Variants in SKAP2 observed in about 807,000 individuals in gnomAD.
SKAP2 encodes src kinase-associated phosphoprotein 2.
A neutral mutation model predicts 54.9 loss-of-function variants in SKAP2; 28 were observed. That is an observed-to-expected ratio of 0.51 (90% CI 0.38 to 0.70). SKAP2 has a LOEUF of 0.70. Ranked by LOEUF, SKAP2 falls within the 30% of genes least tolerant of loss-of-function variation. SKAP2 has a pLI of 0.00. For missense variants in SKAP2, 356 were observed against 424.1 expected (o/e 0.84, Z 1.41); for synonymous variants, 137 against 134.3 (o/e 1.02, Z -0.14).
At chr7:26,666,773 T>G (rs973830156), downstream of SKAP2, among the ~76,000 whole-genome samples, 2 of 152,098 alleles carry the variant, frequency 1.3e-5, no homozygotes, top group African/African-American at 4.8e-5. Flanking sequence ...TCTTTTTCTA[T>G]GAAAGAAAGT....
chr7:26,709,619 T>C (rs1787248855), intron 9 of SKAP2, among the ~76,000 whole-genome samples: 1 of 152,242 alleles, frequency 6.6e-6, no homozygotes, highest in South Asian at 2.1e-4. Flanking sequence ...TATCTGAGTT[T>C]ACTTTTAAAT....
At chr7:26,733,403 T>C (rs921487157) in intron 6 of SKAP2, among the ~76,000 whole-genome samples, 3 of 151,886 alleles carry the variant, frequency 2.0e-5, no homozygotes, top group Non-Finnish European at 2.9e-5. Context: ...AGAATTTGTT[T>C]CTGTCAAATG....
At chr7:26,774,113 G>C (rs1401715706) in intron 4 of SKAP2, among the ~76,000 whole-genome samples, 1 of 152,122 alleles carries the variant, frequency 6.6e-6, no homozygotes, top group African/African-American at 2.4e-5. Flanking sequence ...AGGAGTTCGA[G>C]ATCAGCCTGG....
intron 9 of SKAP2, among the ~76,000 whole-genome samples, chr7:26,702,757 G>T (rs1165018386): frequency 6.6e-6 from 1 of 152,162 alleles, no homozygotes; most frequent in African/African-American, 2.4e-5. Context: ...AGCACATAGT[G>T]TTGAATATTT....
At chr7:26,673,684 C>T (rs1411575355) in intron 11 of SKAP2, among the ~76,000 whole-genome samples, 3 of 151,960 alleles carry the variant, frequency 2.0e-5, no homozygotes, top group South Asian at 4.2e-4. Context: ...CCCAGTAATC[C>T]GAGAAAATAA....
intron 4 of SKAP2, among the ~76,000 whole-genome samples, chr7:26,766,863 A>T (rs930026001): frequency 1.3e-5 from 2 of 152,130 alleles, no homozygotes; most frequent in African/African-American, 2.4e-5. Flanking sequence ...TGCTGGATTC[A>T]GTTTGCCAGT....
intron 1 of SKAP2, among the ~76,000 whole-genome samples, chr7:26,858,878 G>T (rs1479631923): frequency 6.6e-6 from 1 of 152,030 alleles, no homozygotes; most frequent in East Asian, 1.9e-4. Context: ...CACCACCCCC[G>T]ACTATCAAAC....
chr7:26,798,450 G>C (rs1783831904), intron 4 of SKAP2, among the ~76,000 whole-genome samples: 1 of 151,970 alleles, frequency 6.6e-6, no homozygotes, highest in Non-Finnish European at 1.5e-5. Context: ...AGGAGAATTG[G>C]TCAAGCAGAA....
chr7:26,819,352 G>A (rs1784338814), intron 4 of SKAP2, among the ~76,000 whole-genome samples: 1 of 152,084 alleles, frequency 6.6e-6, no homozygotes, highest in African/African-American at 2.4e-5. Flanking sequence ...TCACTCATAA[G>A]TAGGAGTTGA....
downstream of SKAP2, among the ~76,000 whole-genome samples, chr7:26,662,785 C>T (rs1786036329): frequency 6.6e-6 from 1 of 152,076 alleles, no homozygotes. Context: ...ACAGGATAAA[C>T]ACACAGTTAC....
chr7:26,857,824 G>A (rs1246283339), intron 1 of SKAP2: 3 of 690,276 alleles, frequency 4.3e-6, no homozygotes, highest in Non-Finnish European at 3.6e-6. Flanking sequence ...GCTGGTTGGA[G>A]AAGAGATTTG....
intron 4 of SKAP2, among the ~76,000 whole-genome samples, chr7:26,823,449 G>C (rs1296401237): frequency 8.4e-6 from 1 of 119,042 alleles, no homozygotes; most frequent in Non-Finnish European, 1.8e-5. Flanking sequence ...AAAAAAACAA[G>C]CAAAAAGCAA....
At chr7:26,766,636 G>C (rs1783062971) in intron 4 of SKAP2, among the ~76,000 whole-genome samples, 1 of 152,174 alleles carries the variant, frequency 6.6e-6, no homozygotes, top group South Asian at 2.1e-4. Context: ...ACTATTTTGA[G>C]ATACATTCCA....
intron 4 of SKAP2, among the ~76,000 whole-genome samples, chr7:26,813,101 C>A (rs7802715): frequency 0.21 from 32,231 of 151,926 alleles, 3,474 homozygotes; most frequent in Non-Finnish European, 0.24. Context: ...TATAGATGTT[C>A]TACTAACTTC....
chr7:26,775,679 C>A (rs1421673719), intron 4 of SKAP2, among the ~76,000 whole-genome samples: 2 of 152,016 alleles, frequency 1.3e-5, no homozygotes, highest in East Asian at 1.9e-4. Flanking sequence ...ATAACTACAA[C>A]CACCTCCCTC....
At chr7:26,718,269 A>G (rs1283031131) in intron 9 of SKAP2, among the ~76,000 whole-genome samples, 2 of 152,060 alleles carry the variant, frequency 1.3e-5, no homozygotes, top group African/African-American at 2.4e-5. Flanking sequence ...GAGAAAATAA[A>G]AGCATGAGAA....
At chr7:26,784,889 A>C (rs759177292) in intron 4 of SKAP2, among the ~76,000 whole-genome samples, 1 of 152,192 alleles carries the variant, frequency 6.6e-6, no homozygotes, top group Non-Finnish European at 1.5e-5. Flanking sequence ...AAAAACTGTA[A>C]ATAAGAATGA....
intron 9 of SKAP2, among the ~76,000 whole-genome samples, chr7:26,692,270 AAGG>A (rs1291067436): frequency 2.0e-5 from 3 of 152,172 alleles, no homozygotes; most frequent in African/African-American, 7.2e-5. Flanking sequence ...TTATTACTAA[AAGG>A]AGGATAGCCA....
At chr7:26,785,853 C>A (rs1488981059) in intron 4 of SKAP2, among the ~76,000 whole-genome samples, 2 of 152,182 alleles carry the variant, frequency 1.3e-5, no homozygotes, top group East Asian at 1.9e-4. Context: ...TAGACATACA[C>A]AGCAGTAATA....
Sources: gnomAD v4.1 joint callset for allele counts (sites outside exome capture counted in the v4.1 genomes callset) on GRCh38, gnomAD v4.1.1 for gene constraint, MANE v1.5 for transcripts, NCBI Gene and HGNC (gene_info 2026-07-23, HGNC 2026-07-21) for gene names.